PCDHGB4: variants seen among roughly 807,000 people sequenced by gnomAD.
PCDHGB4 encodes the protein protocadherin gamma-B4.
PCDHGB4 carries 38 observed loss-of-function variants against 60.5 expected under a neutral mutation model. The observed-to-expected ratio is 0.63, with a 90% CI of 0.48 to 0.82. The LOEUF is 0.82. Ranked by LOEUF, PCDHGB4 falls within the 40% of genes least tolerant of loss-of-function variation. The probability of loss-of-function intolerance (pLI) is 0.00; values close to 1 mark genes in which losing one functional copy is unlikely to be tolerated. For missense variants in PCDHGB4, 1,109 were observed against 1,209.6 expected, an observed-to-expected ratio of 0.92 and a Z score of 1.23; for synonymous variants, 456 against 509.7, an observed-to-expected ratio of 0.89 and a Z score of 1.42.
chr5:141,501,125 C>A (rs2099805699), intron 2 of PCDHGB4, among the ~76,000 whole-genome samples: 1 of 152,140 alleles, frequency 6.6e-6, no homozygotes, highest in South Asian at 2.1e-4. Context: ...CCTCAGCCTC[C>A]CTAAGTGCTG....
In PCDHGB4 at chr5:141,486,727, T is replaced by C; in HGVS notation, c.2398-8080T>C. ...TGAACCCCCAGACAGGAGCTGTTCA[T>C]GCTACTCGATCCTTTGACTATGAGC... On this transcript the variant is annotated intron_variant, in intron 1 of 3. Transcript: ENST00000519479. The surrounding 1 kb of genome is among the most constrained non-coding windows in gnomAD (Gnocchi z 5.0). 6.2e-7 allele frequency: 1 copy of C among 1,614,232 alleles called. No homozygotes were observed. Among genetic ancestry groups the C allele is most frequent in the Non-Finnish European group, 8.5e-7 (1 of 1,180,044 alleles).
intron 1 of PCDHGB4, among the ~76,000 whole-genome samples, chr5:141,447,688 G>A (rs188511217): frequency 1.4e-4 from 22 of 152,258 alleles, no homozygotes; most frequent in African/African-American, 4.3e-4. Context: ...TATCTTGATA[G>A]AGGGATGGGT....
rs748105196 is a variant in PCDHGB4 at position 141,486,849 on chromosome 5, A to G, written c.2398-7958A>G. ...GTTCGTCTATTTGTGCTGGACCTCA[A>G]TGACAATGCTCCAGCTGTGCTCCGT... is the stretch of plus-strand genomic sequence containing the variant. On this transcript the variant is annotated intron_variant, in intron 1 of 3. Coordinates refer to ENST00000519479, the MANE Select transcript of PCDHGB4 (RefSeq NM_003736.4). The surrounding 1 kb of genome is among the most constrained non-coding windows in gnomAD (Gnocchi z 5.0). 4.3e-6 allele frequency: 7 copies of G among 1,614,110 alleles called. No individual in the cohort carries two copies. The highest frequency in any genetic ancestry group is 5.1e-6 in the Non-Finnish European group (6 of 1,180,036).
At chr5:141,433,020 C>G (rs761127608) in intron 1 of PCDHGB4, 5 of 1,614,152 alleles carry the variant, frequency 3.1e-6, no homozygotes, top group East Asian at 2.2e-5. Flanking sequence ...CAGACCTATT[C>G]CCACGAGGTT....
chr5:141,474,981 G>A (rs1336399018), intron 1 of PCDHGB4, among the ~76,000 whole-genome samples: 1 of 152,126 alleles, frequency 6.6e-6, no homozygotes, highest in African/African-American at 2.4e-5. Context: ...ATTTTGTTTG[G>A]TGACAACAAT....
At chr5:141,429,385 T>A (rs1274446916) in intron 1 of PCDHGB4, among the ~76,000 whole-genome samples, 1 of 151,844 alleles carries the variant, frequency 6.6e-6, no homozygotes, top group Non-Finnish European at 1.5e-5. Flanking sequence ...GTGTTTTTTT[T>A]TTAAAAAAAA....
At chr5:141,460,465 AAAGG>A (rs2098989932) in intron 1 of PCDHGB4, among the ~76,000 whole-genome samples, 1 of 152,088 alleles carries the variant, frequency 6.6e-6, no homozygotes, top group Non-Finnish European at 1.5e-5. Context: ...ATTTTTTTCC[AAAGG>A]AATATCCAAT....
intron 1 of PCDHGB4, chr5:141,408,319 G>T: frequency 6.2e-7 from 1 of 1,613,896 alleles, no homozygotes; most frequent in Non-Finnish European, 8.5e-7. Context: ...CGATTCCGGA[G>T]GAGCTGGCCA....
At chr5:141,406,371 C>T (rs893677721) in intron 1 of PCDHGB4, among the ~76,000 whole-genome samples, 1 of 152,154 alleles carries the variant, frequency 6.6e-6, no homozygotes, top group African/African-American at 2.4e-5. Context: ...TAAGGGTAAA[C>T]TGATAAAAAG....
At chr5:141,399,642 G>A (rs755191053) in intron 1 of PCDHGB4, 154 of 1,613,630 alleles carry the variant, frequency 9.5e-5, no homozygotes, top group East Asian at 4.2e-4. Context: ...CCATGAGCGC[G>A]CAAAGTGGGG....
intron 1 of PCDHGB4, among the ~76,000 whole-genome samples, chr5:141,450,951 A>G (rs1018018318): frequency 1.3e-5 from 2 of 151,732 alleles, no homozygotes; most frequent in Non-Finnish European, 2.9e-5. Context: ...CAGCCTCCCA[A>G]GTAGCTGGGA....
At chr5:141,484,453 C>T (rs1212059469) in intron 1 of PCDHGB4, among the ~76,000 whole-genome samples, 1 of 152,160 alleles carries the variant, frequency 6.6e-6, no homozygotes. Flanking sequence ...TAATTGGCTA[C>T]GTTAATGTGT....
At position 141,431,496 on chromosome 5, in the gene PCDHGB4, A is replaced by C. The variant is rs1223687647; in HGVS notation, c.2397+41215A>C. On this transcript the variant is annotated intron_variant, in intron 1 of 3. Coordinates refer to ENST00000519479, the MANE Select transcript of PCDHGB4 (RefSeq NM_003736.4). This position sits in a 1 kb window ranked among gnomAD's most constrained non-coding sequence, Gnocchi z 4.8. ...AACGCACCAGCGTTTGCTCAGCCCGAGTACCGCGCGAGCGTTCCGGAGAAT... is the reference window on the plus strand; with the variant it reads ...AACGCACCAGCGTTTGCTCAGCCCGCGTACCGCGCGAGCGTTCCGGAGAAT... 5 of 1,614,020 alleles carry C rather than the reference A, an allele frequency of 3.1e-6. No individual in the cohort carries two copies. The South Asian group carries it at 4.4e-5, about 14-fold the overall frequency.
In PCDHGB4 at chr5:141,430,862, G is replaced by A. The variant is rs1365140768; in HGVS notation, c.2397+40581G>A. ...CGGATGCACCCAGATACGCTATTCA[G>A]TTCCGGAAGAGCTGGAGAAAGGCTC... is the stretch of plus-strand genomic sequence containing the variant. On this transcript the variant is annotated intron_variant, in intron 1 of 3. Transcript: ENST00000519479. 3 of 1,594,672 alleles carry A rather than the reference G, an allele frequency of 1.9e-6. No individual in the cohort carries two copies. The African/African-American group carries it at 4.0e-5, about 21-fold the overall frequency.
At chr5:141,452,281 T>C (rs948141174) in intron 1 of PCDHGB4, among the ~76,000 whole-genome samples, 1 of 152,232 alleles carries the variant, frequency 6.6e-6, no homozygotes, top group African/African-American at 2.4e-5. Flanking sequence ...CCTTTCTTAC[T>C]TTCTGATATA....
Position 141,432,943 on chromosome 5 carries a change from A to G in PCDHGB4, c.2397+42662A>G, listed in dbSNP as rs1200038728. ...ACAAGTCACGCCTGCTGCAGGCTTC[A>G]GGAGGCGGCTTGACAGGAGCGCCGG... On this transcript the variant is annotated intron_variant, in intron 1 of 3. Transcript: ENST00000519479. This position sits in a 1 kb window ranked among gnomAD's most constrained non-coding sequence, Gnocchi z 6.0. 5.6e-6 allele frequency: 9 copies of G among 1,614,168 alleles called. No homozygotes were observed. The highest frequency in any genetic ancestry group is 1.7e-4 in the Middle Eastern group (1 of 6,060).
At chr5:141,441,878 TG>T in intron 1 of PCDHGB4, 1 of 343,708 alleles carries the variant, frequency 2.9e-6, no homozygotes, top group Non-Finnish European at 5.6e-6. Context: ...CCTGGCTACC[TG>T]GTCACCAAGG....
intron 1 of PCDHGB4, chr5:141,403,407 A>T (rs2094404225): frequency 6.2e-7 from 1 of 1,613,940 alleles, no homozygotes. Context: ...GGAGCACGTT[A>T]TCCACTTCCA....
At chr5:141,474,871 A>G (rs894657981) in intron 1 of PCDHGB4, among the ~76,000 whole-genome samples, 5 of 152,236 alleles carry the variant, frequency 3.3e-5, no homozygotes, top group African/African-American at 1.2e-4. Context: ...ATAGGATAGG[A>G]GCAGGAACTC....
Sources: allele counts gnomAD v4.1 joint callset (sites outside exome capture counted in the v4.1 genomes callset), GRCh38; gene constraint gnomAD v4.1.1; non-coding constraint Gnocchi (gnomAD v3.1); transcripts MANE v1.5; gene names NCBI Gene and HGNC (gene_info 2026-07-23, HGNC 2026-07-21).